The following CYB5R4 variants were observed in gnomAD, a reference collection of about 807,000 sequenced individuals.
CYB5R4 encodes the protein N-terminal cytochrome b5 and cytochrome b5 oxidoreductase domain-containing protein.
CYB5R4 carries 55 observed loss-of-function variants against 70.2 expected under a neutral mutation model. The observed-to-expected ratio is 0.78, with a 90% CI of 0.63 to 0.98. The LOEUF is 0.98. Among genes scored for constraint, CYB5R4 ranks in the 50% least tolerant of loss-of-function variants. CYB5R4 has a pLI of 0.00. For synonymous variants in CYB5R4, 197 were observed against 199.5 expected, an observed-to-expected ratio of 0.99 and a Z score of 0.11; for missense variants, 562 against 612.6, an observed-to-expected ratio of 0.92 and a Z score of 0.87.
chr6:83,920,442 A>G (rs2129139860), intron 7 of CYB5R4, among the ~76,000 whole-genome samples: 1 of 152,246 alleles, frequency 6.6e-6, no homozygotes, highest in Admixed American at 6.5e-5. Context: ...AACCCAGAGC[A>G]CAGGCTCTAG....
rs573429553 is a variant in CYB5R4 at position 83,877,543 on chromosome 6, A to T, written c.229+13215A>T. Among the ~76,000 whole-genome samples, 9 of 133,166 alleles carry T rather than the reference A, an allele frequency of 6.8e-5. No individual in the cohort carries two copies. The South Asian group carries it at 2.5e-3, about 36-fold the overall frequency. 87.4% of individuals were successfully genotyped at this position (133,166 alleles called of 152,430 possible). A position where few individuals can be genotyped will look rare whatever the true frequency, so the allele number is the denominator to read the frequency against. On this transcript the variant is annotated intron_variant, in intron 2 of 15. Transcript: ENST00000369681. ...AAGATTACATGGTGAGAGAGGGGGAAGGGCAGGAGTGGGTGGGTGGGGGAG... is the reference window on the plus strand; with the variant it reads ...AAGATTACATGGTGAGAGAGGGGGATGGGCAGGAGTGGGTGGGTGGGGGAG...
chr6:83,933,402 A>G (rs752314929), intron 10 of CYB5R4, among the ~76,000 whole-genome samples: 11 of 152,176 alleles, frequency 7.2e-5, no homozygotes, highest in Non-Finnish European at 1.2e-4. Context: ...GACTAAAATG[A>G]TTTCTTAGGA....
chr6:83,899,212 A>C (rs962091603), intron 3 of CYB5R4, among the ~76,000 whole-genome samples: 2 of 152,168 alleles, frequency 1.3e-5, no homozygotes, highest in African/African-American at 2.4e-5. Flanking sequence ...TTCTGCATCT[A>C]TTGAGATAAT....
At chr6:83,950,203 T>G (rs1375689677) in intron 14 of CYB5R4, among the ~76,000 whole-genome samples, 2 of 152,170 alleles carry the variant, frequency 1.3e-5, no homozygotes, top group Non-Finnish European at 2.9e-5. Flanking sequence ...AAAAAAAATG[T>G]GTACCCAAAT....
intron 3 of CYB5R4, among the ~76,000 whole-genome samples, chr6:83,894,683 T>C (rs962169343): frequency 2.0e-5 from 3 of 152,212 alleles, no homozygotes; most frequent in African/African-American, 7.2e-5. Context: ...AATTAACATA[T>C]ATATGTATGT....
At chr6:83,883,548 C>T (rs917319905) in intron 2 of CYB5R4, among the ~76,000 whole-genome samples, 4 of 152,038 alleles carry the variant, frequency 2.6e-5, no homozygotes, top group Admixed American at 6.5e-5. Context: ...ATTCTATACC[C>T]GTAGGGAGAC....
intron 3 of CYB5R4, among the ~76,000 whole-genome samples, chr6:83,896,168 CT>C (rs1323072562): frequency 6.6e-6 from 1 of 152,090 alleles, no homozygotes; most frequent in Non-Finnish European, 1.5e-5. Context: ...TATGATCTGT[CT>C]TTTTCTCCCT....
At chr6:83,924,425 G>A (rs531972135) in intron 9 of CYB5R4, 45 bp from the exon 10 acceptor site, 2 of 1,592,242 alleles carry the variant, frequency 1.3e-6, no homozygotes, top group Non-Finnish European at 1.7e-6. Context: ...ATAAAATCTT[G>A]TATTTAGTAT....
At chr6:83,942,096 T>C (rs1179903729) in intron 14 of CYB5R4, among the ~76,000 whole-genome samples, 2 of 152,214 alleles carry the variant, frequency 1.3e-5, no homozygotes, top group Admixed American at 6.5e-5. Context: ...GACCCCTATG[T>C]ACATGTTTGT....
Position 83,898,055 on chromosome 6 carries a change from T to A in CYB5R4, c.330+4433T>A, listed in dbSNP as rs145433641. 2.9e-4 allele frequency among the ~76,000 whole-genome samples: 42 copies of A among 144,864 alleles called. No homozygotes were observed. The East Asian group carries it at 7.5e-3, about 26-fold the overall frequency. ...TTAAAGACTTAAAAACATTTTTATG[T>A]TTTTATGGTAGCGTTTTTATGGTTT... On this transcript the variant is annotated intron_variant, in intron 3 of 15. Transcript: ENST00000369681.
chr6:83,872,715 G>T (rs2099457829), intron 2 of CYB5R4, among the ~76,000 whole-genome samples: 1 of 152,128 alleles, frequency 6.6e-6, no homozygotes, highest in Admixed American at 6.5e-5. Flanking sequence ...TGAGATAAAG[G>T]TCTTAGATTT....
At chr6:83,925,996 G>T (rs1886706) in intron 10 of CYB5R4, among the ~76,000 whole-genome samples, 7,530 of 152,132 alleles carry the variant, frequency 0.049, 518 homozygotes, top group East Asian at 0.26. Context: ...ATCTTTTAAA[G>T]AATGACTGGT....
intron 3 of CYB5R4, among the ~76,000 whole-genome samples, chr6:83,894,857 A>G (rs935470485): frequency 6.6e-6 from 1 of 152,122 alleles, no homozygotes; most frequent in Non-Finnish European, 1.5e-5. Context: ...GCTGAGGAGG[A>G]GGAGGAGAAA....
chr6:83,900,663 C>CAT (rs2099462774), intron 3 of CYB5R4, among the ~76,000 whole-genome samples: 1 of 152,172 alleles, frequency 6.6e-6, no homozygotes, highest in African/African-American at 2.4e-5. Context: ...GTATTGGGTG[C>CAT]ATATATATTT....
intron 14 of CYB5R4, among the ~76,000 whole-genome samples, chr6:83,944,685 A>C (rs985317967): frequency 6.6e-6 from 1 of 152,166 alleles, no homozygotes; most frequent in African/African-American, 2.4e-5. Flanking sequence ...CGTGTTCAGG[A>C]GACCCATCTC....
intron 3 of CYB5R4, among the ~76,000 whole-genome samples, chr6:83,898,465 G>A (rs992194253): frequency 9.9e-5 from 15 of 151,978 alleles, no homozygotes; most frequent in Non-Finnish European, 2.1e-4. Flanking sequence ...TTGGTTCCAT[G>A]TGAACTTTAA....
rs2099465160 is a variant in CYB5R4 at position 83,914,362 on chromosome 6, C to T, written c.413-54C>T. The stretch of plus-strand genomic sequence containing the variant: ...GAAATCAGTAATGTGGACTGACATT[C>T]TCATTGACATTAAAGTATTCTTATT... On this transcript the variant is annotated intron_variant, in intron 4 of 15. Coordinates refer to ENST00000369681, the MANE Select transcript of CYB5R4 (RefSeq NM_016230.4). 3.4e-6 allele frequency: 5 copies of T among 1,480,824 alleles called. No individual in the cohort carries two copies. In the Admixed American group the frequency reaches 1.1e-4, roughly 31 times the overall value. 91.7% of individuals were successfully genotyped at this position (1,480,824 alleles called of 1,614,324 possible).
At chr6:83,914,542 T>C (rs1401961740) in intron 5 of CYB5R4, 94 bp downstream of exon 5, 1 of 1,166,454 alleles carries the variant, frequency 8.6e-7, no homozygotes, top group East Asian at 3.2e-5. Flanking sequence ...AATTTTTTTC[T>C]TTTTTTTCTT....
chr6:83,919,363 T>C (rs1331780099), intron 6 of CYB5R4, 34 bp from the exon 7 acceptor site: 1 of 1,176,338 alleles, frequency 8.5e-7, no homozygotes, highest in Non-Finnish European at 1.2e-6. Context: ...TGATTGTCAA[T>C]ATAATTATTC....
Sources: allele counts gnomAD v4.1 joint callset (sites outside exome capture counted in the v4.1 genomes callset), GRCh38; gene constraint gnomAD v4.1.1; transcripts MANE v1.5; gene names NCBI Gene and HGNC (gene_info 2026-07-23, HGNC 2026-07-21).